EFL1: variants seen among roughly 807,000 people sequenced by gnomAD.
EFL1 encodes elongation factor like GTPase 1.
Under a neutral mutation model 126.7 loss-of-function variants are expected in EFL1, and 76 were observed. The ratio of observed to expected loss-of-function variants is 0.60; its 90% CI spans 0.50 to 0.73. The LOEUF is 0.73. EFL1 is among the 30% of genes least tolerant of loss of function. The probability of loss-of-function intolerance (pLI) is 0.00; values close to 1 mark genes in which losing one functional copy is unlikely to be tolerated. For synonymous variants in EFL1, 410 were observed against 448.4 expected (o/e 0.91, Z 1.08); for missense variants, 1,128 against 1,343.2 (o/e 0.84, Z 2.50).
At chr15:82,189,412 G>T (rs1045787493) in intron 15 of EFL1, among the ~76,000 whole-genome samples, 1 of 152,176 alleles carries the variant, frequency 6.6e-6, no homozygotes, top group Non-Finnish European at 1.5e-5. Flanking sequence ...GAGTCTAGAA[G>T]ATTAGACAAT....
chr15:82,193,443 T>C (rs2074379356), intron 15 of EFL1, among the ~76,000 whole-genome samples: 1 of 152,158 alleles, frequency 6.6e-6, no homozygotes, highest in Non-Finnish European at 1.5e-5. Context: ...GCAACCCCTA[T>C]ACTTTGAACA....
chr15:82,259,399 T>G (rs1369047662), intron 2 of EFL1, among the ~76,000 whole-genome samples: 5 of 152,236 alleles, frequency 3.3e-5, no homozygotes, highest in Admixed American at 2.6e-4. Context: ...CAACCTCATC[T>G]GAAAAGTTGT....
chr15:82,137,871 G>C (rs2073738640), intron 19 of EFL1, among the ~76,000 whole-genome samples: 1 of 152,178 alleles, frequency 6.6e-6, no homozygotes, highest in Admixed American at 6.5e-5. Context: ...TTCTGATTGA[G>C]TGTCCTTCTT....
intron 15 of EFL1, among the ~76,000 whole-genome samples, chr15:82,209,340 C>CAG (rs2074560484): frequency 6.6e-6 from 1 of 151,576 alleles, no homozygotes; most frequent in Non-Finnish European, 1.5e-5. Context: ...CACACACACA[C>CAG]ACACACACAC....
chr15:82,211,593 T>TACACACACACAC (rs1567064844), intron 15 of EFL1, among the ~76,000 whole-genome samples: 3 of 54,512 alleles, frequency 5.5e-5, no homozygotes, highest in African/African-American at 5.3e-4. Flanking sequence ...AGACACATAC[T>TACACACACACAC]AGACACACAC....
intron 15 of EFL1, among the ~76,000 whole-genome samples, chr15:82,197,849 C>A (rs1207159804): frequency 6.6e-6 from 1 of 152,130 alleles, no homozygotes; most frequent in Non-Finnish European, 1.5e-5. Flanking sequence ...TCTAAGCCTC[C>A]AGTAATAAAA....
intron 3 of EFL1, among the ~76,000 whole-genome samples, chr15:82,253,593 T>C (rs1450067159): frequency 6.6e-6 from 1 of 152,144 alleles, no homozygotes; most frequent in Non-Finnish European, 1.5e-5. Flanking sequence ...TCTTTTCCTA[T>C]TTATAAGCTG....
At chr15:82,193,603 T>C (rs1363466110) in intron 15 of EFL1, among the ~76,000 whole-genome samples, 3 of 152,406 alleles carry the variant, frequency 2.0e-5, no homozygotes, top group Non-Finnish European at 1.5e-5. Flanking sequence ...AACAAAAAGA[T>C]GACTCATTTT....
At position 82,214,934 on chromosome 15, in the gene EFL1, T is replaced by C. The variant is rs1595987650; in HGVS notation, c.1612-79A>G. The C allele has an allele frequency of 8.8e-6, 13 of 1,472,762 alleles. No individual in the cohort carries two copies. The East Asian group carries it at 3.1e-4, about 35-fold the overall frequency. The allele number at this position is 1,472,762 out of a possible 1,614,324, so 91.2% of individuals were successfully genotyped here. On this transcript the variant is annotated intron_variant, in intron 14 of 19. Transcript: ENST00000268206. Reference sequence around the variant, plus strand: ...TTGGTATTTGTAAAGTTACTTCTATTCATCAGTAAGATATGGTATAGCAAC... The same window carrying C: ...TTGGTATTTGTAAAGTTACTTCTATCCATCAGTAAGATATGGTATAGCAAC...
chr15:82,225,905 A>G (rs2074758515), intron 11 of EFL1, among the ~76,000 whole-genome samples: 1 of 152,162 alleles, frequency 6.6e-6, no homozygotes, highest in African/African-American at 2.4e-5. Flanking sequence ...TTTTAAAACA[A>G]TTCCATCACC....
intron 17 of EFL1, among the ~76,000 whole-genome samples, chr15:82,153,078 A>G (rs1296213570): frequency 6.6e-6 from 1 of 152,182 alleles, no homozygotes; most frequent in Non-Finnish European, 1.5e-5. Flanking sequence ...ATAGCTACTA[A>G]GCATTTGAAA....
rs2075089223 is a variant in EFL1 at position 82,258,938 on chromosome 15, T to C, written c.159+150A>G. On this transcript the variant is annotated intron_variant, in intron 3 of 19. Transcript: ENST00000268206. The stretch of plus-strand genomic sequence containing the variant: ...GAAGTAACTATTTTTCTCCTCAGCA[T>C]TTTTATCTTGCAAAATGGATTGGCA... 8 of 708,238 alleles carry C rather than the reference T, an allele frequency of 1.1e-5. No individual in the cohort carries two copies. The South Asian group carries it at 1.5e-4, about 13-fold the overall frequency. The allele number at this position is 708,238 out of a possible 1,614,324, so 43.9% of individuals were successfully genotyped here.
rs72749577 is a variant in EFL1 at position 82,216,068 on chromosome 15, T to G, written c.1612-1213A>C. ...GCAAGATCAATATACAAAAGTTAAT[T>G]ATACTTCTATAATTAGGAATAGAAA... On this transcript the variant is annotated intron_variant, in intron 14 of 19. Transcript: ENST00000268206. Among the ~76,000 whole-genome samples, 1,047 of 152,232 alleles carry G rather than the reference T, an allele frequency of 6.9e-3. 10 individuals carry two copies. The highest frequency in any genetic ancestry group is 8.1e-3 in the Non-Finnish European group (553 of 67,994).
intron 12 of EFL1, among the ~76,000 whole-genome samples, chr15:82,222,458 G>A (rs1231353090): frequency 6.6e-6 from 1 of 152,204 alleles, no homozygotes; most frequent in African/African-American, 2.4e-5. Flanking sequence ...AGTGAAAAAA[G>A]AAGTGTATTT....
At chr15:82,181,184 T>C (rs975998991) in intron 15 of EFL1, among the ~76,000 whole-genome samples, 1 of 152,238 alleles carries the variant, frequency 6.6e-6, no homozygotes, top group Non-Finnish European at 1.5e-5. Context: ...TTCCCTTTCA[T>C]TTATATATGG....
At chr15:82,256,487 T>C (rs2075067593) in intron 3 of EFL1, among the ~76,000 whole-genome samples, 1 of 152,322 alleles carries the variant, frequency 6.6e-6, no homozygotes, top group East Asian at 1.9e-4. Flanking sequence ...TCACTGCAAC[T>C]AGAACCTCCA....
At chr15:82,213,028 G>A (rs1305456789) in intron 15 of EFL1, among the ~76,000 whole-genome samples, 2 of 152,198 alleles carry the variant, frequency 1.3e-5, no homozygotes, top group African/African-American at 4.8e-5. Flanking sequence ...TGACACAGAA[G>A]AGTCATGACA....
chr15:82,134,367 G>C (rs1332841263), intron 19 of EFL1, among the ~76,000 whole-genome samples: 1 of 148,076 alleles, frequency 6.8e-6, no homozygotes, highest in Non-Finnish European at 1.5e-5. Flanking sequence ...TGAAGAAAAA[G>C]GTGCTTTTTT....
chr15:82,218,880 C>T (rs1328000996), intron 14 of EFL1, among the ~76,000 whole-genome samples: 5 of 152,116 alleles, frequency 3.3e-5, no homozygotes, highest in Admixed American at 3.3e-4. Context: ...CTCCTTCTCT[C>T]TCACTTGTAG....
Sources: allele counts gnomAD v4.1 joint callset (sites outside exome capture counted in the v4.1 genomes callset), GRCh38; gene constraint gnomAD v4.1.1; transcripts MANE v1.5; gene names NCBI Gene and HGNC (gene_info 2026-07-23, HGNC 2026-07-21).